ALOX15: variants seen among roughly 807,000 people sequenced by gnomAD.
ALOX15 encodes the protein polyunsaturated fatty acid lipoxygenase ALOX15.
In ALOX15, 68 loss-of-function variants were observed where a neutral mutation model predicts 71.7. That is an observed-to-expected ratio of 0.95 (90% CI 0.78 to 1.16). The LOEUF (loss-of-function observed/expected upper bound fraction) is 1.16, where lower values mean the gene tolerates loss of function less well. ALOX15 is among the 50% of genes most tolerant of loss of function. ALOX15 has a pLI of 0.00. For synonymous variants in ALOX15, 346 were observed against 333.3 expected (o/e 1.04, Z -0.42); for missense variants, 798 against 818.8 (o/e 0.97, Z 0.31).
intron 8 of ALOX15, among the ~76,000 whole-genome samples, chr17:4,634,283 T>C (rs986922817): frequency 1.3e-4 from 20 of 152,204 alleles, no homozygotes; most frequent in Non-Finnish European, 2.6e-4. Flanking sequence ...TTTATGATAA[T>C]TGAAAGAAAT....
chr17:4,640,375 A>G (rs571303127), intron 1 of ALOX15, among the ~76,000 whole-genome samples: 5 of 138,966 alleles, frequency 3.6e-5, no homozygotes, highest in African/African-American at 1.5e-4. Context: ...CTTTTAAAAT[A>G]GAGAAACCGG....
chr17:4,631,391 G>A lies in ALOX15; in HGVS notation c.*209C>T, dbSNP rs978779583. ...GAGAGAGAGGAAGGAAGATAGGAAA[G>A]GAGGAAGGAAGGAAAGAGGAGTAAG... On this transcript the variant is annotated 3_prime_UTR_variant, in exon 14 of 14. Coordinates refer to ENST00000293761, the MANE Select transcript of ALOX15 (RefSeq NM_001140.5). 6.9e-6 allele frequency: 4 copies of A among 581,126 alleles called. No individual in the cohort carries two copies. In the African/African-American group the frequency reaches 7.4e-5, roughly 11 times the overall value. 36.0% of individuals were successfully genotyped at this position (581,126 alleles called of 1,614,324 possible). A position where few individuals can be genotyped will look rare whatever the true frequency, so the allele number is the denominator to read the frequency against.
rs752320206 is a variant in ALOX15 at position 4,631,569 on chromosome 17, G to A, written c.*31C>T. 3.7e-6 allele frequency: 6 copies of A among 1,609,212 alleles called. No homozygotes were observed. In the Admixed American group the frequency reaches 5.0e-5, roughly 13 times the overall value. ...GGGGTCAGCTTGTGGCTTGGGTGAT[G>A]GGGGCTGAAATAACCAAAGGGTGGC... On this transcript the variant is annotated 3_prime_UTR_variant, in exon 14 of 14. Transcript: ENST00000293761.
At position 4,633,624 on chromosome 17, in the gene ALOX15, G is replaced by A. The variant is rs1345375066; in HGVS notation, c.1162-124C>T. 7.9e-6 allele frequency: 6 copies of A among 755,562 alleles called. No homozygotes were observed. The African/African-American group carries it at 1.0e-4, about 13-fold the overall frequency. The allele number at this position is 755,562 out of a possible 1,614,324, so 46.8% of individuals were successfully genotyped here. A position where few individuals can be genotyped will look rare whatever the true frequency, so the allele number is the denominator to read the frequency against. The stretch of plus-strand genomic sequence containing the variant: ...AAAAAGCACAGACGTAAAGTTCAGT[G>A]GCCTCTCAACAGTGAGTTTTCAGAA... On this transcript the variant is annotated intron_variant, in intron 8 of 13. Transcript: ENST00000293761.
rs1042008302 is a variant in ALOX15 at position 4,637,162 on chromosome 17, T to C, written c.904A>G (p.Met302Val). The C allele has an allele frequency of 6.8e-6, 11 of 1,613,708 alleles. No individual in the cohort carries two copies. The highest frequency in any genetic ancestry group is 9.3e-6 in the Non-Finnish European group (11 of 1,179,864). Residue 302 changes from methionine to valine, a missense_variant, in exon 7 of 14, where the codon ATG becomes GTG. By Grantham distance (21) the Met-to-Val change is conservative (BLOSUM62 1). Coordinates refer to ENST00000293761, the MANE Select transcript of ALOX15 (RefSeq NM_001140.5). ...SQQHLAAPLVMLKLQPDGKLL... is the reference protein window; with the variant it reads ...SQQHLAAPLVVLKLQPDGKLL... ...TTCCCATCAGGCTGCAATTTCAGCA[T>C]GACTAGAGGGGCAGCCAGGTGCTGC...
intron 1 of ALOX15, 37 bp downstream of exon 1, chr17:4,641,480 G>A (rs1286015520): frequency 2.5e-6 from 4 of 1,599,834 alleles, no homozygotes; most frequent in Non-Finnish European, 2.6e-6. Context: ...TCGGAGCCAG[G>A]GGCGCAGCCC....
chr17:4,636,063 C>A, intron 7 of ALOX15, 95 bp from the exon 8 acceptor site: 1 of 1,320,412 alleles, frequency 7.6e-7, no homozygotes, highest in South Asian at 1.3e-5. Context: ...CTTCGTCCTC[C>A]AAACCTGTTC....
At chr17:4,632,794 C>T in intron 11 of ALOX15, 67 bp downstream of exon 11, 1 of 1,607,744 alleles carries the variant, frequency 6.2e-7, no homozygotes, top group Non-Finnish European at 8.5e-7. Flanking sequence ...TTCACAGAAG[C>T]ACAGGGGATT....
chr17:4,638,730 T>C (rs1276205727), intron 4 of ALOX15, 46 bp from the exon 5 acceptor site: 47 of 1,613,342 alleles, frequency 2.9e-5, no homozygotes, highest in Non-Finnish European at 3.9e-5. Context: ...ATTCTGAGGC[T>C]CTAACATGAC....
intron 8 of ALOX15, among the ~76,000 whole-genome samples, chr17:4,634,239 C>A (rs763364574): frequency 2.0e-5 from 3 of 152,178 alleles, no homozygotes; most frequent in Non-Finnish European, 2.9e-5. Context: ...TGATTTGCAT[C>A]AACTATTTCC....
At chr17:4,640,984 G>C (rs1227299921) in intron 1 of ALOX15, among the ~76,000 whole-genome samples, 1 of 151,330 alleles carries the variant, frequency 6.6e-6, no homozygotes, top group Non-Finnish European at 1.5e-5. Context: ...ATGGGAATTT[G>C]GGCTTTCGCG....
At chr17:4,637,541 C>T (rs1268351720) in intron 6 of ALOX15, among the ~76,000 whole-genome samples, 1 of 152,080 alleles carries the variant, frequency 6.6e-6, no homozygotes, top group Non-Finnish European at 1.5e-5. Flanking sequence ...GTAGCTGGGA[C>T]TACAGGTGCA....
chr17:4,639,852 C>CA, intron 1 of ALOX15: 1 of 539,384 alleles, frequency 1.9e-6, no homozygotes, highest in South Asian at 2.1e-5. Flanking sequence ...AAGGTGCGCT[C>CA]CTGCCTTCAC....
chr17:4,633,254 G>A lies in ALOX15; in HGVS notation c.1310C>T (p.Thr437Ile). The change falls in exon 10 of 14, where the codon ACC becomes ATC. Residue 437 changes from threonine (T) to isoleucine (I), a missense_variant. By Grantham distance (89) the Thr-to-Ile change is moderately conservative. This residue lies in a region of ALOX15 where 490 missense variants were observed against 509.4 expected (regional missense o/e 0.96). Coordinates refer to ENST00000293761, the MANE Select transcript of ALOX15 (RefSeq NM_001140.5). ...ATCAGGGGGACAGAAGGAGCTGTAGGTTAGGAAGGCTCCAGCTTGCTTGAG... is the reference window on the plus strand; with the variant it reads ...ATCAGGGGGACAGAAGGAGCTGTAGATTAGGAAGGCTCCAGCTTGCTTGAG... ...QLLKQAGAFLTYSSFCPPDDL... is the reference protein window; with the variant it reads ...QLLKQAGAFLIYSSFCPPDDL... 1 of 1,614,210 alleles carries A rather than the reference G, an allele frequency of 6.2e-7. No homozygotes were observed. Among genetic ancestry groups the A allele is most frequent in the East Asian group, 2.2e-5 (1 of 44,882 alleles).
At chr17:4,636,795 G>C (rs530469699) in intron 7 of ALOX15, among the ~76,000 whole-genome samples, 1 of 151,842 alleles carries the variant, frequency 6.6e-6, no homozygotes, top group Non-Finnish European at 1.5e-5. Flanking sequence ...TGCCCCTGAG[G>C]ACCGGTCCTT....
In ALOX15 at chr17:4,640,429, G is replaced by A. The variant is rs550747592; in HGVS notation, c.136-798C>T. Among the ~76,000 whole-genome samples the A allele has an allele frequency of 2.0e-3, 296 of 146,182 alleles. 15 individuals carry two copies. The highest frequency in any genetic ancestry group is 7.7e-3 in the African/African-American group (284 of 37,068). ...CGGCGACCGCAGTTTCCAGGCACCA[G>A]AGCTGTGTGGAATGAGGGGCGCTCA... On this transcript the variant is annotated intron_variant, in intron 1 of 13. Coordinates refer to ENST00000293761, the MANE Select transcript of ALOX15 (RefSeq NM_001140.5).
At position 4,631,280 on chromosome 17, in the gene ALOX15, A is replaced by G; in HGVS notation, c.*320T>C. 3.2e-6 allele frequency: 1 copy of G among 308,568 alleles called. No individual in the cohort carries two copies. Among genetic ancestry groups the G allele is most frequent in the Non-Finnish European group, 6.0e-6 (1 of 166,072 alleles). The allele number at this position is 308,568 out of a possible 1,614,324, so 19.1% of individuals were successfully genotyped here. ...TGATTCATAAAAGGTGTGGAGTAAT[A>G]TGTATTATATCCCCCTATTCTAGTC... is the stretch of plus-strand genomic sequence containing the variant. On this transcript the variant is annotated 3_prime_UTR_variant, in exon 14 of 14. Transcript: ENST00000293761.
At chr17:4,638,027 C>T (rs1307391293) in intron 6 of ALOX15, among the ~76,000 whole-genome samples, 190 bp downstream of exon 6, 3 of 152,220 alleles carry the variant, frequency 2.0e-5, no homozygotes, top group Non-Finnish European at 2.9e-5. Context: ...GCCCTCCCTC[C>T]GCAGCTACTC....
At chr17:4,637,520 C>T (rs1911139970) in intron 6 of ALOX15, among the ~76,000 whole-genome samples, 1 of 152,142 alleles carries the variant, frequency 6.6e-6, no homozygotes, top group Non-Finnish European at 1.5e-5. Context: ...CCTCCCACCT[C>T]AGCCTCCCAA....
Sources: gnomAD v4.1 joint callset for allele counts (sites outside exome capture counted in the v4.1 genomes callset) on GRCh38, gnomAD v4.1.1 for gene constraint, gnomAD v4.1.1 regional missense constraint, MANE v1.5 for transcripts, NCBI Gene and HGNC (gene_info 2026-07-23, HGNC 2026-07-21) for gene names.